Variants in KIAA0408 observed in about 807,000 individuals in gnomAD.
KIAA0408 encodes uncharacterized protein KIAA0408.
KIAA0408 carries 51 observed loss-of-function variants against 60.9 expected under a neutral mutation model. That is an observed-to-expected ratio of 0.84 (90% CI 0.67 to 1.06). The LOEUF (loss-of-function observed/expected upper bound fraction) is 1.06. KIAA0408 is among the 50% of genes least tolerant of loss of function. The probability of loss-of-function intolerance (pLI) is 0.00; values close to 1 mark genes in which losing one functional copy is unlikely to be tolerated. For synonymous variants in KIAA0408, 304 were observed against 282.4 expected (o/e 1.08, Z -0.77); for missense variants, 787 against 833.9 (o/e 0.94, Z 0.69).
chr6:127,444,816 T>A (rs1037586097), intron 5 of KIAA0408, among the ~76,000 whole-genome samples: 1 of 152,142 alleles, frequency 6.6e-6, no homozygotes, highest in African/African-American at 2.4e-5. Flanking sequence ...ATTAAAATAC[T>A]TTTAAATACA....
At chr6:127,453,001 A>G (rs1443926933) in intron 2 of KIAA0408, among the ~76,000 whole-genome samples, 1 of 152,124 alleles carries the variant, frequency 6.6e-6, no homozygotes, top group Admixed American at 6.6e-5. Flanking sequence ...ATGGCTGTTA[A>G]TAAGAAACAT....
rs947973657 is a variant in KIAA0408 at position 127,450,147 on chromosome 6, C to T, written c.341G>A (p.Gly114Glu). The change falls in exon 3 of 6, where the codon GGA becomes GAA. Residue 114 changes from glycine (G) to glutamate (E), a missense_variant. By Grantham distance (98) the Gly-to-Glu change is moderately conservative (BLOSUM62 -2). Coordinates refer to ENST00000483725, the MANE Select transcript of KIAA0408 (RefSeq NM_014702.5). ...TTGTTCCTTACACATTTGATTTCCT[C>T]CACTGACTAAGCTCTGCTCTCTTTT... is the stretch of plus-strand genomic sequence containing the variant. The part of the protein sequence containing the change: ...ENKREQSLVS[G>E]GNQMCKEQKA... 6 of 1,613,946 alleles carry T rather than the reference C, an allele frequency of 3.7e-6. No individual in the cohort carries two copies. The highest frequency in any genetic ancestry group is 4.2e-6 in the Non-Finnish European group (5 of 1,179,974).
At position 127,439,736 on chromosome 6, in the gene KIAA0408, T is replaced by C. The variant is rs1396104610; in HGVS notation, c.*4373A>G. 2 of 152,228 alleles carry C rather than the reference T, an allele frequency of 1.3e-5. No individual in the cohort carries two copies. The highest frequency in any genetic ancestry group is 2.4e-5 in the African/African-American group (1 of 41,468). The allele number at this position is 152,228 out of a possible 1,614,324, so 9.4% of individuals were successfully genotyped here. ...AAAAATATTTATTCTAAATATTATC[T>C]TGACTACTTAATTTTTCCTTCTTAC... is the stretch of plus-strand genomic sequence containing the variant. On this transcript the variant is annotated 3_prime_UTR_variant, in exon 6 of 6. Coordinates refer to ENST00000483725, the MANE Select transcript of KIAA0408 (RefSeq NM_014702.5).
At chr6:127,457,185 T>C (rs1294310656) in intron 1 of KIAA0408, among the ~76,000 whole-genome samples, 5 of 152,256 alleles carry the variant, frequency 3.3e-5, no homozygotes, top group African/African-American at 9.6e-5. Context: ...ACAAATCTTA[T>C]GTAAAACTGC....
chr6:127,456,970 C>T lies in KIAA0408; in HGVS notation c.-121+2205G>A, dbSNP rs145249434. ...TCTTTCCTCCCTCCTTCCCTTTCTC[C>T]TCTCTTTCTCCATCTATCCCTCTCC... On this transcript the variant is annotated intron_variant, in intron 1 of 5. Coordinates refer to ENST00000483725, the MANE Select transcript of KIAA0408 (RefSeq NM_014702.5). Among the ~76,000 whole-genome samples, 55 of 151,990 alleles carry T rather than the reference C, an allele frequency of 3.6e-4. 1 individual carries two copies. In the East Asian group the frequency reaches 9.5e-3, roughly 26 times the overall value.
intron 1 of KIAA0408, among the ~76,000 whole-genome samples, chr6:127,458,557 G>A (rs1183456428): frequency 6.6e-6 from 1 of 152,090 alleles, no homozygotes; most frequent in Non-Finnish European, 1.5e-5. Context: ...AACTTTAAAA[G>A]CAAACATTTG....
rs527808616 is a variant in KIAA0408, at chr6:127,441,638, C to T, written c.*2471G>A. 3 of 152,192 alleles carry T rather than the reference C, an allele frequency of 2.0e-5. No homozygotes were observed. In the South Asian group the frequency reaches 6.2e-4, roughly 32 times the overall value. 9.4% of individuals were successfully genotyped at this position (152,192 alleles called of 1,614,324 possible). ...CTAGCAATGATAGCATAATAAAGGG[C>T]ATATTCTAGGGAAGAAAATGCCCAC... On this transcript the variant is annotated 3_prime_UTR_variant, in exon 6 of 6. Transcript: ENST00000483725.
At position 127,441,141 on chromosome 6, in the gene KIAA0408, T is replaced by G. The variant is rs1322058764; in HGVS notation, c.*2968A>C. The G allele has an allele frequency of 6.6e-6, 1 of 152,240 alleles. No homozygotes were observed. The highest frequency in any genetic ancestry group is 2.4e-5 in the African/African-American group (1 of 41,450). The allele number at this position is 152,240 out of a possible 1,614,324, so 9.4% of individuals were successfully genotyped here. A position where few individuals can be genotyped will look rare whatever the true frequency, so the allele number is the denominator to read the frequency against. ...GTCACAAATGTGCCTAAAAATAACT[T>G]TAAAGATCTTTGTAGGGAAGCAGAA... On this transcript the variant is annotated 3_prime_UTR_variant, in exon 6 of 6. Transcript: ENST00000483725.
chr6:127,454,995 C>T (rs1773368520), intron 1 of KIAA0408, among the ~76,000 whole-genome samples: 1 of 151,962 alleles, frequency 6.6e-6, no homozygotes, highest in South Asian at 2.1e-4. Context: ...TAGTTTTTTG[C>T]ATTAAAATGG....
chr6:127,458,295 G>T (rs377466876), intron 1 of KIAA0408, among the ~76,000 whole-genome samples: 26 of 152,090 alleles, frequency 1.7e-4, no homozygotes, highest in Non-Finnish European at 1.8e-4. Context: ...ACTTGCAATT[G>T]AATCTTTCCA....
At position 127,449,861 on chromosome 6, in the gene KIAA0408, C is replaced by T; in HGVS notation, c.539G>A (p.Ser180Asn). 6.2e-7 allele frequency: 1 copy of T among 1,614,064 alleles called. No individual in the cohort carries two copies. The highest frequency in any genetic ancestry group is 8.5e-7 in the Non-Finnish European group (1 of 1,179,950). Residue 180 changes from serine (S) to asparagine (N), a missense_variant, in exon 4 of 6, where the codon AGC (serine) becomes AAC (asparagine). Ser to Asn is a conservative substitution (Grantham distance 46). Around this residue, in one of 3 missense-constraint regions of KIAA0408, gnomAD observed 640 missense variants for 681.3 expected, o/e 0.94. Coordinates refer to ENST00000483725, the MANE Select transcript of KIAA0408 (RefSeq NM_014702.5). Reference protein sequence around the residue: ...ELAKVSEELCSFQEEIRKRSN... With the variant: ...ELAKVSEELCNFQEEIRKRSN... ...CCGCTTTCGAATTTCCTCTTGAAAG[C>T]TGCATAATTCTTCACTCACCTTCGC...
Position 127,444,027 on chromosome 6 carries a change from A to T in KIAA0408, c.*82T>A. 1 of 1,300,564 alleles carries T rather than the reference A, an allele frequency of 7.7e-7. No homozygotes were observed. Among genetic ancestry groups the T allele is most frequent in the Non-Finnish European group, 1.1e-6 (1 of 912,900 alleles). The allele number at this position is 1,300,564 out of a possible 1,614,324, so 80.6% of individuals were successfully genotyped here. On this transcript the variant is annotated 3_prime_UTR_variant, in exon 6 of 6. Coordinates refer to ENST00000483725, the MANE Select transcript of KIAA0408 (RefSeq NM_014702.5). ...TTCAAATTGCTTGTCGGAAGAGAACAGGTCCGCCTGTAAACACTCAGAATG... is the reference window on the plus strand; with the variant it reads ...TTCAAATTGCTTGTCGGAAGAGAACTGGTCCGCCTGTAAACACTCAGAATG...
intron 5 of KIAA0408, among the ~76,000 whole-genome samples, chr6:127,445,943 A>G (rs1232370550): frequency 6.6e-6 from 1 of 152,200 alleles, no homozygotes; most frequent in East Asian, 1.9e-4. Flanking sequence ...TATTCATATT[A>G]ATGTGATTAA....
chr6:127,458,535 T>C (rs1191252308), intron 1 of KIAA0408, among the ~76,000 whole-genome samples: 1 of 152,230 alleles, frequency 6.6e-6, no homozygotes, highest in South Asian at 2.1e-4. Context: ...CTGATTTTAC[T>C]TATAAAATGC....
Position 127,439,417 on chromosome 6 carries a change from A to C in KIAA0408, c.*4692T>G, listed in dbSNP as rs1773069288. Reference sequence around the variant, plus strand: ...CAAAATTTATATAAAATCAGAGCATAGGCATTAAAAGTGGAAATATTTTGT... The same window carrying C: ...CAAAATTTATATAAAATCAGAGCATCGGCATTAAAAGTGGAAATATTTTGT... On this transcript the variant is annotated 3_prime_UTR_variant, in exon 6 of 6. Coordinates refer to ENST00000483725, the MANE Select transcript of KIAA0408 (RefSeq NM_014702.5). 1 of 152,314 alleles carries C rather than the reference A, an allele frequency of 6.6e-6. No individual in the cohort carries two copies. Among genetic ancestry groups the C allele is most frequent in the Admixed American group, 6.5e-5 (1 of 15,300 alleles). The allele number at this position is 152,314 out of a possible 1,614,324, so 9.4% of individuals were successfully genotyped here.
chr6:127,444,400 T>C (rs1773153720), intron 5 of KIAA0408, 118 bp from the exon 6 acceptor site: 3 of 794,462 alleles, frequency 3.8e-6, no homozygotes, highest in Non-Finnish European at 3.7e-6. Flanking sequence ...AGAAAAAGCA[T>C]TGAAAACTAA....
chr6:127,440,330 T>TC lies in KIAA0408; in HGVS notation c.*3778_*3779insG, dbSNP rs1358763540. 4 of 148,806 alleles carry TC rather than the reference T, an allele frequency of 2.7e-5. No homozygotes were observed. The highest frequency in any genetic ancestry group is 6.7e-5 in the Admixed American group (1 of 14,992). The allele number at this position is 148,806 out of a possible 1,614,324, so 9.2% of individuals were successfully genotyped here. A position where few individuals can be genotyped will look rare whatever the true frequency, so the allele number is the denominator to read the frequency against. On this transcript the variant is annotated 3_prime_UTR_variant, in exon 6 of 6. Transcript: ENST00000483725. ...CAAGTCATAGTTATAAGTTCTTTTT[T>TC]TTTTTTTTTTTTGAGACAGAGTCTC...
At chr6:127,448,846 G>A (rs1057395956) in intron 4 of KIAA0408, among the ~76,000 whole-genome samples, 9 of 152,122 alleles carry the variant, frequency 5.9e-5, no homozygotes, top group Non-Finnish European at 1.0e-4. Flanking sequence ...ACTGACCCAC[G>A]AGGAGAGATA....
intron 2 of KIAA0408, among the ~76,000 whole-genome samples, chr6:127,451,972 C>T (rs1773309931): frequency 6.6e-6 from 1 of 152,016 alleles, no homozygotes; most frequent in Non-Finnish European, 1.5e-5. Context: ...AAAACAAAAC[C>T]CCAGACGTCT....
Sources: gnomAD v4.1 joint callset for allele counts (sites outside exome capture counted in the v4.1 genomes callset) on GRCh38, gnomAD v4.1.1 for gene constraint, gnomAD v4.1.1 regional missense constraint, MANE v1.5 for transcripts, NCBI Gene and HGNC (gene_info 2026-07-23, HGNC 2026-07-21) for gene names.